The following FOXP1 variants were observed in gnomAD, a reference collection of about 807,000 sequenced individuals.
The protein encoded by FOXP1 is forkhead box P1.
In FOXP1, 15 loss-of-function variants were observed where a neutral mutation model predicts 98.2. The ratio of observed to expected loss-of-function variants is 0.15; its 90% CI spans 0.10 to 0.24. The LOEUF is 0.24. Among genes scored for constraint, FOXP1 ranks in the 10% least tolerant of loss-of-function variants. The pLI is 1.00. For missense variants in FOXP1, 633 were observed against 848.5 expected (o/e 0.75, Z 3.15); for synonymous variants, 371 against 314.5 (o/e 1.18, Z -1.90).
intron 3 of FOXP1, among the ~76,000 whole-genome samples, chr3:71,472,354 C>G (rs945041579): frequency 1.4e-4 from 22 of 151,772 alleles, no homozygotes; most frequent in Admixed American, 1.4e-3. Context: ...ACAAACCATA[C>G]AAAAATGATT....
intron 3 of FOXP1, among the ~76,000 whole-genome samples, chr3:71,381,437 C>CTTTT (rs1171799165): frequency 3.5e-4 from 27 of 77,692 alleles, no homozygotes; most frequent in Non-Finnish European, 4.9e-4. Flanking sequence ...TGCGCCTGGC[C>CTTTT]TTTTTTTTTT....
chr3:71,521,309 C>T (rs9853713), intron 2 of FOXP1, among the ~76,000 whole-genome samples: 45,160 of 152,002 alleles, frequency 0.3, 7,886 homozygotes, highest in African/African-American at 0.48. Context: ...AGTGAATCGC[C>T]TGAGGTCAGG....
chr3:71,475,064 A>G (rs2089704910), intron 3 of FOXP1, among the ~76,000 whole-genome samples: 1 of 151,898 alleles, frequency 6.6e-6, no homozygotes, highest in South Asian at 2.1e-4. Flanking sequence ...TCTCTTCTCC[A>G]TCCTATGGCT....
At chr3:71,161,456 G>A (rs1364806635) in intron 6 of FOXP1, among the ~76,000 whole-genome samples, 1 of 152,164 alleles carries the variant, frequency 6.6e-6, no homozygotes. Context: ...GCAGTGGCAA[G>A]CATGTTCCTA....
chr3:71,434,214 T>C (rs1022300027), intron 3 of FOXP1, among the ~76,000 whole-genome samples: 1 of 152,178 alleles, frequency 6.6e-6, no homozygotes, highest in Non-Finnish European at 1.5e-5. Flanking sequence ...TGAAGAAGTA[T>C]GTGTTACATG....
At chr3:71,580,481 T>C (rs1236583014) in intron 2 of FOXP1, among the ~76,000 whole-genome samples, 1 of 152,218 alleles carries the variant, frequency 6.6e-6, no homozygotes, top group Non-Finnish European at 1.5e-5. Context: ...ATTTCCACTT[T>C]GAGAATCAAA....
chr3:71,126,276 A>C (rs1333429428), intron 6 of FOXP1, among the ~76,000 whole-genome samples: 1 of 150,344 alleles, frequency 6.7e-6, no homozygotes, highest in Non-Finnish European at 1.5e-5. Flanking sequence ...CCAGGTCAGG[A>C]GATCGAGACC....
intron 4 of FOXP1, among the ~76,000 whole-genome samples, chr3:71,313,057 C>CTTTTTTTT (rs1227506558): frequency 8.4e-6 from 1 of 119,020 alleles, no homozygotes; most frequent in Non-Finnish European, 1.7e-5. Context: ...AACTTTAATT[C>CTTTTTTTT]TTTTTTTTTT....
chr3:71,022,602 C>T (rs777399539), intron 11 of FOXP1, among the ~76,000 whole-genome samples: 2 of 152,112 alleles, frequency 1.3e-5, no homozygotes, highest in Non-Finnish European at 2.9e-5. Flanking sequence ...TGTAACTGTT[C>T]CTTTTACTGA....
At chr3:71,115,737 C>CTTT (rs5849989) in intron 6 of FOXP1, among the ~76,000 whole-genome samples, 5 of 116,114 alleles carry the variant, frequency 4.3e-5, no homozygotes, top group East Asian at 2.3e-4. Context: ...CAAAACTATT[C>CTTT]TTTTTTTTTT....
chr3:71,072,862 C>CTAAG (rs1284606653), intron 7 of FOXP1, among the ~76,000 whole-genome samples: 1 of 152,150 alleles, frequency 6.6e-6, no homozygotes, highest in Non-Finnish European at 1.5e-5. Flanking sequence ...GAAGCCACAG[C>CTAAG]TAAGGTTTAG....
intron 11 of FOXP1, among the ~76,000 whole-genome samples, chr3:71,028,007 A>AAAG (rs2046358421): frequency 6.6e-6 from 1 of 152,164 alleles, no homozygotes; most frequent in Admixed American, 6.5e-5. Context: ...GTAACATTTG[A>AAAG]TCTGGGCCTT....
intron 3 of FOXP1, among the ~76,000 whole-genome samples, chr3:71,445,344 G>C (rs1287528968): frequency 1.3e-5 from 2 of 152,150 alleles, no homozygotes; most frequent in Admixed American, 1.3e-4. Flanking sequence ...CAATGTAAAT[G>C]GCAGCTCAGC....
chr3:71,105,897 G>T (rs910555987), intron 7 of FOXP1, among the ~76,000 whole-genome samples: 2 of 152,048 alleles, frequency 1.3e-5, no homozygotes, highest in East Asian at 3.9e-4. Flanking sequence ...GGTTTCAGCT[G>T]TCTTTTTTTT....
At chr3:71,519,071 C>A (rs2042787120) in intron 2 of FOXP1, among the ~76,000 whole-genome samples, 1 of 152,188 alleles carries the variant, frequency 6.6e-6, no homozygotes, top group South Asian at 2.1e-4. Context: ...CACGGTGAAA[C>A]CCCATCTCTA....
chr3:70,991,163 A>G (rs2107525464), intron 13 of FOXP1, among the ~76,000 whole-genome samples: 1 of 151,902 alleles, frequency 6.6e-6, no homozygotes, highest in Middle Eastern at 3.4e-3. Flanking sequence ...TGGAGTTTGC[A>G]GTTGGGCTAA....
chr3:71,219,877 T>C (rs201208906), intron 5 of FOXP1, among the ~76,000 whole-genome samples: 1 of 5,844 alleles, frequency 1.7e-4, no homozygotes, highest in Non-Finnish European at 2.6e-4. Context: ...TCTCTCTCTC[T>C]CCTGTTTCCA....
chr3:71,497,993 T>G (rs775152325), intron 2 of FOXP1, among the ~76,000 whole-genome samples: 5 of 152,248 alleles, frequency 3.3e-5, no homozygotes, highest in Non-Finnish European at 7.3e-5. Context: ...TGGGGGTCAT[T>G]AGAAAGAATG....
At chr3:71,481,002 C>T (rs1577746531) in intron 3 of FOXP1, among the ~76,000 whole-genome samples, 1 of 152,184 alleles carries the variant, frequency 6.6e-6, no homozygotes, top group African/African-American at 2.4e-5. Flanking sequence ...TTTTTTTGAG[C>T]ACAGAATGTC....
Sources: allele counts gnomAD v4.1 joint callset (sites outside exome capture counted in the v4.1 genomes callset), GRCh38; gene constraint gnomAD v4.1.1; transcripts MANE v1.5; gene names NCBI Gene and HGNC (gene_info 2026-07-23, HGNC 2026-07-21).